AR: variants seen among roughly 807,000 people sequenced by gnomAD.
AR encodes androgen receptor.
AR carries 8 observed loss-of-function variants against 53.9 expected under a neutral mutation model. The ratio of observed to expected loss-of-function variants is 0.15; its 90% CI spans 0.09 to 0.27. AR has a LOEUF of 0.27. Among genes scored for constraint, AR ranks in the 10% least tolerant of loss-of-function variants. The probability of loss-of-function intolerance (pLI) is 1.00; values close to 1 mark genes in which losing one functional copy is unlikely to be tolerated. For synonymous variants in AR, 359 were observed against 316.4 expected (o/e 1.13, Z -1.43); for missense variants, 639 against 742.5 (o/e 0.86, Z 1.62).
intron 6 of AR, 127 bp downstream of exon 6, chrX:67,722,090 C>T (rs2076138470): frequency 1.3e-6 from 1 of 790,619 alleles, no homozygotes; most frequent in East Asian, 3.5e-5. Flanking sequence ...ATTCCCCCTC[C>T]CCATCCCCAC....
At chrX:67,682,580 T>C (rs747466319) in intron 2 of AR, among the ~76,000 whole-genome samples, 189 of 111,925 alleles carry the variant, frequency 1.7e-3, no homozygotes, top group Non-Finnish European at 3.1e-3. Flanking sequence ...AGTGAGCCAC[T>C]GCACCTGGCC....
chrX:67,628,437 TTGTC>T (rs1924830617), intron 1 of AR, among the ~76,000 whole-genome samples: 1 of 104,631 alleles, frequency 9.6e-6, no homozygotes, highest in African/African-American at 3.5e-5. Flanking sequence ...GGCTCTCTGT[TTGTC>T]TGTTATTGGT....
chrX:67,653,046 A>G (rs1171608231), intron 2 of AR, among the ~76,000 whole-genome samples: 1 of 112,020 alleles, frequency 8.9e-6, no homozygotes. Context: ...CAACATGGCT[A>G]TGTAATGACT....
rs1892255177 is a variant in AR, at chrX:67,643,322, G to A, written c.1683G>A (p.Leu561=). 8.3e-7 allele frequency: 1 copy of A among 1,211,201 alleles called. No homozygotes were observed. Residue 561 remains leucine, a synonymous_variant, in exon 2 of 8, where the codon CTG becomes CTA. Coordinates refer to ENST00000374690, the MANE Select transcript of AR (RefSeq NM_000044.6). ...DYYFPPQKTC[L]ICGDEASGCH... ...ACTTTCCACCCCAGAAGACCTGCCT[G>A]ATCTGTGGAGATGAAGCTTCTGGGT... is the stretch of plus-strand genomic sequence containing the variant.
chrX:67,650,337 A>G (rs1926275747), intron 2 of AR, among the ~76,000 whole-genome samples: 1 of 111,901 alleles, frequency 8.9e-6, no homozygotes, highest in Non-Finnish European at 1.9e-5. Flanking sequence ...ACCCTTATCA[A>G]TTTTTTATGT....
At position 67,663,163 on chromosome X, in the gene AR, C is replaced by G. The variant is rs1261813549; in HGVS notation, c.1768+19756C>G. Reference sequence around the variant, plus strand: ...TTGTTATGTGTGAATTTGATCCTGTCATTATGATGTTAGCTGGTTATTTTG... The same window carrying G: ...TTGTTATGTGTGAATTTGATCCTGTGATTATGATGTTAGCTGGTTATTTTG... On this transcript the variant is annotated intron_variant, in intron 2 of 7. Coordinates refer to ENST00000374690, the MANE Select transcript of AR (RefSeq NM_000044.6). Among the ~76,000 whole-genome samples, 4 of 111,436 alleles carry G rather than the reference C, an allele frequency of 3.6e-5. No individual in the cohort carries two copies. In the Admixed American group the frequency reaches 3.8e-4, roughly 11 times the overall value.
At chrX:67,644,028 A>G (rs1336472519) in intron 2 of AR, among the ~76,000 whole-genome samples, 2 of 112,369 alleles carry the variant, frequency 1.8e-5, no homozygotes, top group African/African-American at 6.5e-5. Context: ...AAGCCTGTCC[A>G]TTAGTCCCTA....
intron 1 of AR, among the ~76,000 whole-genome samples, chrX:67,607,830 A>C (rs1923701484): frequency 8.9e-6 from 1 of 111,786 alleles, no homozygotes; most frequent in African/African-American, 3.3e-5. Context: ...ATATGGGACC[A>C]AAAAATTCTC....
intron 1 of AR, among the ~76,000 whole-genome samples, chrX:67,635,487 C>G (rs1925386226): frequency 9.0e-6 from 1 of 110,875 alleles, no homozygotes; most frequent in Non-Finnish European, 1.9e-5. Context: ...TTAAGTTAAT[C>G]AGATTCTTCA....
At chrX:67,564,383 T>C (rs1921467133) in intron 1 of AR, among the ~76,000 whole-genome samples, 1 of 111,454 alleles carries the variant, frequency 9.0e-6, no homozygotes, top group Non-Finnish European at 1.9e-5. Flanking sequence ...TACTAAGCCT[T>C]CTTATTCTAT....
At chrX:67,551,151 C>T (rs776107880) in intron 1 of AR, among the ~76,000 whole-genome samples, 41 of 108,852 alleles carry the variant, frequency 3.8e-4, no homozygotes, top group African/African-American at 1.4e-3. Context: ...CTGTCTCTCT[C>T]TGTCTACTGT....
intron 3 of AR, chrX:67,689,689 G>T: frequency 1.2e-6 from 1 of 868,411 alleles, no homozygotes. Flanking sequence ...ATTCATTCCT[G>T]GCTGCATTTG....
chrX:67,546,369 A>G lies in AR; in HGVS notation c.1223A>G (p.Tyr408Cys), dbSNP rs2147320814. 1.3e-5 allele frequency: 15 copies of G among 1,184,031 alleles called. No individual in the cohort carries two copies. Among genetic ancestry groups the G allele is most frequent in the Non-Finnish European group, 1.5e-5 (13 of 882,523 alleles). Residue 408 changes from tyrosine to cysteine, a missense_variant, in exon 1 of 8, where the codon TAT (tyrosine) becomes TGT (cysteine). This residue lies in a region of AR where 423 missense variants were observed against 377.0 expected (regional missense o/e 1.12). Coordinates refer to ENST00000374690, the MANE Select transcript of AR (RefSeq NM_000044.6). The stretch of plus-strand genomic sequence containing the variant: ...GCGGCTGCGGCGGCGCAGTGCCGCT[A>G]TGGGGACCTGGCGAGCCTGCATGGC... Reference protein sequence around the residue: ...AWAAAAAQCRYGDLASLHGAG... With the variant: ...AWAAAAAQCRCGDLASLHGAG...
At chrX:67,717,120 C>G (rs1254803261) in intron 4 of AR, among the ~76,000 whole-genome samples, 1 of 111,474 alleles carries the variant, frequency 9.0e-6, no homozygotes, top group African/African-American at 3.3e-5. Context: ...ATCATGTACC[C>G]AAAATTATTT....
chrX:67,616,189 G>C (rs1924108560), intron 1 of AR, among the ~76,000 whole-genome samples: 1 of 111,110 alleles, frequency 9.0e-6, no homozygotes, highest in Admixed American at 9.6e-5. Flanking sequence ...TGTGTGCCTA[G>C]TACTCCATTA....
intron 1 of AR, among the ~76,000 whole-genome samples, chrX:67,598,536 C>A (rs1023292882): frequency 2.4e-4 from 27 of 111,091 alleles, no homozygotes; most frequent in African/African-American, 8.8e-4. Flanking sequence ...GCCTTGGCCT[C>A]CCAAAATGCT....
At chrX:67,650,546 A>C (rs752164495) in intron 2 of AR, among the ~76,000 whole-genome samples, 42 of 112,485 alleles carry the variant, frequency 3.7e-4, no homozygotes, top group Non-Finnish European at 7.9e-4. Flanking sequence ...ACTGCTCCTC[A>C]AAATAACTGA....
chrX:67,625,818 C>T (rs1398674646), intron 1 of AR, among the ~76,000 whole-genome samples: 1 of 111,138 alleles, frequency 9.0e-6, no homozygotes, highest in Admixed American at 9.6e-5. Flanking sequence ...AAGAAAATAT[C>T]AAAGTAAATC....
intron 2 of AR, among the ~76,000 whole-genome samples, chrX:67,679,826 A>G (rs1385274629): frequency 9.0e-6 from 1 of 111,595 alleles, no homozygotes; most frequent in Admixed American, 9.6e-5. Flanking sequence ...TACATACTTG[A>G]TGCTAATAAT....
Sources: gnomAD v4.1 joint callset for allele counts (sites outside exome capture counted in the v4.1 genomes callset) on GRCh38, gnomAD v4.1.1 for gene constraint, gnomAD v4.1.1 regional missense constraint, MANE v1.5 for transcripts, NCBI Gene and HGNC (gene_info 2026-07-23, HGNC 2026-07-21) for gene names.